Variants in CTNNBL1 observed in about 807,000 individuals in gnomAD.
CTNNBL1 encodes the protein beta-catenin-like protein 1.
A neutral mutation model predicts 72.7 loss-of-function variants in CTNNBL1; 31 were observed. The observed-to-expected ratio is 0.43, with a 90% CI of 0.32 to 0.58. The LOEUF (loss-of-function observed/expected upper bound fraction) is 0.58, where lower values mean the gene tolerates loss of function less well. CTNNBL1 is among the 20% of genes least tolerant of loss of function. The pLI is 0.08. For synonymous variants in CTNNBL1, 240 were observed against 267.3 expected, an observed-to-expected ratio of 0.90 and a Z score of 1.00; for missense variants, 534 against 725.1, an observed-to-expected ratio of 0.74 and a Z score of 3.03.
chr20:37,716,628 A>C (rs1319061185), intron 1 of CTNNBL1, among the ~76,000 whole-genome samples: 1 of 152,184 alleles, frequency 6.6e-6, no homozygotes, highest in Non-Finnish European at 1.5e-5. Flanking sequence ...ACATGAAACC[A>C]TATCTTTTCA....
chr20:37,766,165 A>G (rs565917541), intron 6 of CTNNBL1, among the ~76,000 whole-genome samples: 6 of 152,310 alleles, frequency 3.9e-5, no homozygotes, highest in South Asian at 4.1e-4. Flanking sequence ...AAGAGGAGGA[A>G]CACAACACTC....
At chr20:37,779,413 C>G (rs907571480) in intron 10 of CTNNBL1, 78 bp downstream of exon 10, 6 of 1,506,470 alleles carry the variant, frequency 4.0e-6, no homozygotes, top group Non-Finnish European at 5.5e-6. Flanking sequence ...GAGCATGTAG[C>G]TATGATCATT....
chr20:37,699,900 A>G lies in CTNNBL1; in HGVS notation c.30+5748A>G, dbSNP rs184420380. ...TTGCAGATTTTTGAGCTTAAGTTGT[A>G]CTTTTTCCCTGCCATTCAAGATATT... is the stretch of plus-strand genomic sequence containing the variant. On this transcript the variant is annotated intron_variant, in intron 1 of 15. Transcript: ENST00000361383. Among the ~76,000 whole-genome samples, 19 of 152,300 alleles carry G rather than the reference A, an allele frequency of 1.2e-4. 1 individual carries two copies. The highest frequency in any genetic ancestry group is 3.1e-4 in the African/African-American group (13 of 41,558).
rs1279586455 is a variant in CTNNBL1, at chr20:37,746,478, T to TCCGA, written c.338_341dup (p.Glu114AspfsTer7). The TCCGA allele has an allele frequency of 6.2e-7, 1 of 1,613,306 alleles. No individual in the cohort carries two copies. Among genetic ancestry groups the TCCGA allele is most frequent in the Non-Finnish European group, 8.5e-7 (1 of 1,179,524 alleles). ...TGTTTTCCCTCCTAGGTTCATGGAA[T>TCCGA]CCGAGCTGGACCTAAATGACATCAT... On this transcript the variant is annotated frameshift_variant, in exon 4 of 16. Transcript: ENST00000361383. LOFTEE classifies it high-confidence loss of function.
At chr20:37,816,039 ATGT>A (rs1043498879) in intron 11 of CTNNBL1, among the ~76,000 whole-genome samples, 81 of 152,204 alleles carry the variant, frequency 5.3e-4, no homozygotes, top group African/African-American at 1.7e-3. Context: ...TGGTAAGAAA[ATGT>A]TGTTGGCTTG....
chr20:37,866,855 G>T (rs941390697), intron 15 of CTNNBL1, among the ~76,000 whole-genome samples: 3 of 152,148 alleles, frequency 2.0e-5, no homozygotes, highest in African/African-American at 7.2e-5. Context: ...TAATCCTTTC[G>T]CCTGGAGTTA....
intron 5 of CTNNBL1, among the ~76,000 whole-genome samples, chr20:37,762,647 T>C (rs937439117): frequency 1.3e-5 from 2 of 152,274 alleles, no homozygotes; most frequent in South Asian, 4.1e-4. Flanking sequence ...TCCAGAAAAT[T>C]GAAGGTAGAC....
At chr20:37,833,801 G>A (rs1298864527) in intron 11 of CTNNBL1, among the ~76,000 whole-genome samples, 4 of 152,126 alleles carry the variant, frequency 2.6e-5, no homozygotes, top group Non-Finnish European at 5.9e-5. Flanking sequence ...AGCTCTCCCC[G>A]TCTCCTTGGT....
At chr20:37,715,674 T>G (rs561642447) in intron 1 of CTNNBL1, among the ~76,000 whole-genome samples, 7 of 152,352 alleles carry the variant, frequency 4.6e-5, no homozygotes, top group African/African-American at 1.7e-4. Context: ...TTTGGTATGT[T>G]TACTGGAATT....
At chr20:37,867,218 T>A (rs997166600) in intron 15 of CTNNBL1, among the ~76,000 whole-genome samples, 9 of 152,342 alleles carry the variant, frequency 5.9e-5, no homozygotes, top group African/African-American at 2.2e-4. Flanking sequence ...TTTGTGGTTA[T>A]ATGTACATCT....
chr20:37,813,692 A>G (rs2072031086), intron 11 of CTNNBL1, among the ~76,000 whole-genome samples: 1 of 152,168 alleles, frequency 6.6e-6, no homozygotes. Context: ...GTTAGTTTTC[A>G]TTTATAATCT....
chr20:37,717,693 A>G (rs2072999112), intron 1 of CTNNBL1, among the ~76,000 whole-genome samples: 1 of 150,902 alleles, frequency 6.6e-6, no homozygotes, highest in Non-Finnish European at 1.5e-5. Flanking sequence ...TAGTGGAGGG[A>G]AGGTCAGCAG....
At chr20:37,820,968 C>G (rs1324638268) in intron 11 of CTNNBL1, among the ~76,000 whole-genome samples, 1 of 152,200 alleles carries the variant, frequency 6.6e-6, no homozygotes, top group Non-Finnish European at 1.5e-5. Flanking sequence ...TTTTGCATGA[C>G]AGAAGACCTG....
At chr20:37,738,692 A>G (rs1469208035) in intron 3 of CTNNBL1, among the ~76,000 whole-genome samples, 4 of 152,240 alleles carry the variant, frequency 2.6e-5, no homozygotes, top group Admixed American at 6.5e-5. Flanking sequence ...TAAAAGAGAT[A>G]TAATAGGAGA....
At chr20:37,709,801 T>C (rs1253499315) in intron 1 of CTNNBL1, among the ~76,000 whole-genome samples, 1 of 152,204 alleles carries the variant, frequency 6.6e-6, no homozygotes, top group East Asian at 1.9e-4. Flanking sequence ...ATTCCTTTTT[T>C]AAAAAAGGTG....
At chr20:37,702,469 C>T (rs960458271) in intron 1 of CTNNBL1, among the ~76,000 whole-genome samples, 1 of 152,108 alleles carries the variant, frequency 6.6e-6, no homozygotes, top group Non-Finnish European at 1.5e-5. Context: ...AAGGCCTCAT[C>T]CCAGTAGCCC....
At chr20:37,754,253 G>T (rs2073344767) in intron 4 of CTNNBL1, among the ~76,000 whole-genome samples, 1 of 150,096 alleles carries the variant, frequency 6.7e-6, no homozygotes, top group African/African-American at 2.5e-5. Flanking sequence ...TTGTTCTATA[G>T]ACATCTTATT....
At position 37,742,929 on chromosome 20, in the gene CTNNBL1, G is replaced by A. The variant is rs138352111; in HGVS notation, c.327-3539G>A. Among the ~76,000 whole-genome samples the A allele has an allele frequency of 6.1e-3, 926 of 152,036 alleles. 7 individuals are homozygous for A. Among genetic ancestry groups the A allele is most frequent in the Middle Eastern group, 0.027 (8 of 294 alleles). On this transcript the variant is annotated intron_variant, in intron 3 of 15. Transcript: ENST00000361383. ...AGCAATTCTCCTGCCTCAGCTTCTC[G>A]AGTAGCTGGGATTACAAGTGTGCGC...
Position 37,839,899 on chromosome 20 carries a change from T to A in CTNNBL1, c.1214-203T>A, listed in dbSNP as rs80313968. On this transcript the variant is annotated intron_variant, in intron 11 of 15. Transcript: ENST00000361383. The stretch of plus-strand genomic sequence containing the variant: ...ACTCAAGTTGTCCTTGAGGATCTCA[T>A]CTCTTTTGAATATGTTTTTTGTGCA... Among the ~76,000 whole-genome samples the A allele has an allele frequency of 4.5e-3, 680 of 152,328 alleles. 3 individuals carry two copies. The highest frequency in any genetic ancestry group is 6.3e-3 in the Non-Finnish European group (429 of 68,028).
Sources: allele counts gnomAD v4.1 joint callset (sites outside exome capture counted in the v4.1 genomes callset), GRCh38; gene constraint gnomAD v4.1.1; transcripts MANE v1.5; gene names NCBI Gene and HGNC (gene_info 2026-07-23, HGNC 2026-07-21).